TOX: variants seen among roughly 807,000 people sequenced by gnomAD.
The protein encoded by TOX is thymocyte selection-associated high mobility group box protein TOX.
Under a neutral mutation model 53.7 loss-of-function variants are expected in TOX, and 11 were observed. The observed-to-expected ratio is 0.20, with a 90% confidence interval of 0.13 to 0.34. The LOEUF (loss-of-function observed/expected upper bound fraction) is 0.34, where lower values mean the gene tolerates loss of function less well. TOX is among the 10% of genes least tolerant of loss of function. The pLI, the probability that TOX is intolerant of heterozygous loss-of-function variation, is 1.00. For synonymous variants in TOX, 225 were observed against 245.3 expected (o/e 0.92, Z 0.77); for missense variants, 570 against 664.6 (o/e 0.86, Z 1.56).
At chr8:58,853,107 T>C (rs1810853563) in intron 3 of TOX, among the ~76,000 whole-genome samples, 1 of 152,146 alleles carries the variant, frequency 6.6e-6, no homozygotes, top group Non-Finnish European at 1.5e-5. Context: ...CCTGTGTTCT[T>C]CTCCGGAACG....
At chr8:59,021,499 T>TATATATATATATATATATACACAC (rs1554539851) in intron 1 of TOX, among the ~76,000 whole-genome samples, 7 of 109,626 alleles carry the variant, frequency 6.4e-5, no homozygotes, top group African/African-American at 2.2e-4. Flanking sequence ...TATATATATA[T>TATATATATATATATATATACACAC]GCACATATAT....
intron 3 of TOX, among the ~76,000 whole-genome samples, chr8:58,901,555 C>T (rs1204612829): frequency 6.6e-6 from 1 of 152,090 alleles, no homozygotes; most frequent in Non-Finnish European, 1.5e-5. Flanking sequence ...GTAGTAATTG[C>T]ATATTCCACT....
intron 3 of TOX, among the ~76,000 whole-genome samples, chr8:58,865,887 T>C (rs1001275304): frequency 1.2e-4 from 17 of 136,630 alleles, no homozygotes; most frequent in South Asian, 7.5e-4. Flanking sequence ...CAGGCTGGAG[T>C]GCAGTGGCAC....
intron 1 of TOX, among the ~76,000 whole-genome samples, chr8:59,056,227 A>G (rs1321211992): frequency 6.6e-6 from 1 of 151,922 alleles, no homozygotes; most frequent in African/African-American, 2.4e-5. Flanking sequence ...GGAGTTCAAG[A>G]CCAGCCTGGG....
At chr8:59,029,322 C>T (rs764783132) in intron 1 of TOX, among the ~76,000 whole-genome samples, 11 of 145,644 alleles carry the variant, frequency 7.6e-5, no homozygotes, top group Non-Finnish European at 1.2e-4. Flanking sequence ...GCATGTACAA[C>T]GTGACACTCT....
At chr8:59,032,822 T>C (rs1474583078) in intron 1 of TOX, among the ~76,000 whole-genome samples, 1 of 151,280 alleles carries the variant, frequency 6.6e-6, no homozygotes, top group African/African-American at 2.4e-5. Context: ...CTCTTGAGGT[T>C]TCTTAAGAGA....
chr8:59,048,936 T>C (rs1363622064), intron 1 of TOX, among the ~76,000 whole-genome samples: 1 of 152,186 alleles, frequency 6.6e-6, no homozygotes, highest in African/African-American at 2.4e-5. Context: ...AATATGGTTA[T>C]TGAAAATAAA....
chr8:59,118,760 G>C lies in TOX; in HGVS notation c.102+126C>G. On this transcript the variant is annotated intron_variant, in intron 1 of 8. Coordinates refer to ENST00000361421, the MANE Select transcript of TOX (RefSeq NM_014729.3). The surrounding 1 kb of genome is among the most constrained non-coding windows in gnomAD (Gnocchi z 4.1). Reference sequence around the variant, plus strand: ...ACCCAAGCGCACGCAGGCTGCAGCGGGCTGCGAGCCGAGCGCGCCCGGGAC... The same window carrying C: ...ACCCAAGCGCACGCAGGCTGCAGCGCGCTGCGAGCCGAGCGCGCCCGGGAC... 1 of 506,138 alleles carries C rather than the reference G, an allele frequency of 2.0e-6. No homozygotes were observed. Among genetic ancestry groups the C allele is most frequent in the South Asian group, 4.3e-5 (1 of 23,502 alleles). The allele number at this position is 506,138 out of a possible 1,614,324, so 31.4% of individuals were successfully genotyped here.
chr8:58,866,028 T>C (rs1282676543), intron 3 of TOX, among the ~76,000 whole-genome samples: 2 of 151,950 alleles, frequency 1.3e-5, no homozygotes, highest in African/African-American at 4.8e-5. Context: ...AGAGACAGGG[T>C]TTTACCATGT....
At chr8:58,979,837 G>A (rs751688522) in intron 1 of TOX, among the ~76,000 whole-genome samples, 3 of 152,130 alleles carry the variant, frequency 2.0e-5, no homozygotes, top group Non-Finnish European at 4.4e-5. Flanking sequence ...CTGTAAAATG[G>A]GGAGACAATA....
chr8:58,980,148 C>T (rs1813175191), intron 1 of TOX, among the ~76,000 whole-genome samples: 1 of 152,098 alleles, frequency 6.6e-6, no homozygotes, highest in Non-Finnish European at 1.5e-5. Flanking sequence ...AAAAGATGGG[C>T]CAGCCTTATT....
chr8:59,037,050 G>T lies in TOX; in HGVS notation c.103-77042C>A, dbSNP rs191656063. The stretch of plus-strand genomic sequence containing the variant: ...ATAGTTTGACTACATGGGCTTTTTT[G>T]GGATATTATTCAGTCATTTTCTCAT... On this transcript the variant is annotated intron_variant, in intron 1 of 8. Coordinates refer to ENST00000361421, the MANE Select transcript of TOX (RefSeq NM_014729.3). Among the ~76,000 whole-genome samples the T allele has an allele frequency of 5.2e-3, 789 of 152,114 alleles. 10 individuals carry two copies. Among genetic ancestry groups the T allele is most frequent in the African/African-American group, 0.018 (755 of 41,498 alleles).
In TOX at chr8:58,817,854, CTG is replaced by C. The variant is rs145024522; in HGVS notation, c.1006-2132_1006-2131del. On this transcript the variant is annotated intron_variant, in intron 6 of 8. Transcript: ENST00000361421. ...GATCAAAAGTAGAAAATATGTGTAA[CTG>C]TAAAAATGTTTTCATTTTTAATTTC... 3.7e-3 allele frequency among the ~76,000 whole-genome samples: 568 copies of C among 152,108 alleles called. 6 individuals are homozygous for C. The highest frequency in any genetic ancestry group is 0.013 in the African/African-American group (541 of 41,484).
At chr8:58,943,429 A>G (rs547524153) in intron 2 of TOX, among the ~76,000 whole-genome samples, 1 of 152,254 alleles carries the variant, frequency 6.6e-6, no homozygotes, top group African/African-American at 2.4e-5. Context: ...GACCTGGTAC[A>G]CATGTCCACT....
At chr8:58,913,635 A>C (rs1204842460) in intron 3 of TOX, among the ~76,000 whole-genome samples, 1 of 152,142 alleles carries the variant, frequency 6.6e-6, no homozygotes, top group African/African-American at 2.4e-5. Context: ...TCACTTCCTT[A>C]GTGTCTGTTT....
At chr8:59,092,498 C>G (rs184255610) in intron 1 of TOX, among the ~76,000 whole-genome samples, 1 of 150,868 alleles carries the variant, frequency 6.6e-6, no homozygotes, top group Admixed American at 6.7e-5. Context: ...CCAGAGTAAT[C>G]TCTCTAAAAT....
chr8:58,878,585 T>C (rs185330003), intron 3 of TOX, among the ~76,000 whole-genome samples: 387 of 152,328 alleles, frequency 2.5e-3, no homozygotes, highest in African/African-American at 8.4e-3. Context: ...GTATTGTTGG[T>C]GTAACACACT....
rs1805115148 is a variant in TOX, at chr8:59,117,189, A to G, written c.102+1697T>C. Among the ~76,000 whole-genome samples, 1 of 152,208 alleles carries G rather than the reference A, an allele frequency of 6.6e-6. No homozygotes were observed. The highest frequency in any genetic ancestry group is 2.1e-4 in the South Asian group (1 of 4,834). On this transcript the variant is annotated intron_variant, in intron 1 of 8. Coordinates refer to ENST00000361421, the MANE Select transcript of TOX (RefSeq NM_014729.3). This position sits in a 1 kb window ranked among gnomAD's most constrained non-coding sequence, Gnocchi z 4.6. ...TCTTTACTCTCCAAGATAGGGCTGC[A>G]ACTTTATTATTTTTTATTAGCAATA...
chr8:58,813,910 G>C (rs1196284822), intron 7 of TOX, among the ~76,000 whole-genome samples: 1 of 152,198 alleles, frequency 6.6e-6, no homozygotes, highest in East Asian at 1.9e-4. Context: ...CTGTGAATGA[G>C]ATGCAGCAAG....
Sources: allele counts gnomAD v4.1 joint callset (sites outside exome capture counted in the v4.1 genomes callset), GRCh38; gene constraint gnomAD v4.1.1; non-coding constraint Gnocchi (gnomAD v3.1); transcripts MANE v1.5; gene names NCBI Gene and HGNC (gene_info 2026-07-23, HGNC 2026-07-21).